TXLNB: variants seen among roughly 807,000 people sequenced by gnomAD.
The protein encoded by TXLNB is beta-taxilin.
Under a neutral mutation model 57.4 loss-of-function variants are expected in TXLNB, and 37 were observed. The observed-to-expected ratio is 0.64, with a 90% CI of 0.50 to 0.85. The LOEUF (loss-of-function observed/expected upper bound fraction) is 0.85. Ranked by LOEUF, TXLNB falls within the 40% of genes least tolerant of loss-of-function variation. The probability of loss-of-function intolerance (pLI) is 0.00; values close to 1 mark genes in which losing one functional copy is unlikely to be tolerated. For missense variants in TXLNB, 848 were observed against 825.6 expected, an observed-to-expected ratio of 1.03 and a Z score of -0.33; for synonymous variants, 302 against 309.6, an observed-to-expected ratio of 0.98 and a Z score of 0.26.
At chr6:139,224,023 A>C in the TXLNB span, among the ~76,000 whole-genome samples, 1 of 147,784 alleles carries the variant, frequency 6.8e-6, no homozygotes, top group African/African-American at 2.5e-5. Flanking sequence ...ACTATTCACA[A>C]TAGCAAAGAC....
the TXLNB span, among the ~76,000 whole-genome samples, chr6:139,219,576 T>G: frequency 1.5e-4 from 23 of 152,232 alleles, no homozygotes; most frequent in Non-Finnish European, 2.2e-4. Flanking sequence ...CTTTGGAATG[T>G]GACCATGAGA....
chr6:139,168,580 T>TTC, the TXLNB span, among the ~76,000 whole-genome samples: 1 of 152,096 alleles, frequency 6.6e-6, no homozygotes, highest in African/African-American at 2.4e-5. Context: ...ACCCTCCTGC[T>TTC]TCTACCTGTC....
chr6:139,323,573 G>A, the TXLNB span, among the ~76,000 whole-genome samples: 2 of 152,098 alleles, frequency 1.3e-5, no homozygotes, highest in Non-Finnish European at 2.9e-5. Context: ...GTGAGCCACC[G>A]CGCCCAGGCT....
the TXLNB span, among the ~76,000 whole-genome samples, chr6:139,162,090 G>C: frequency 3.9e-5 from 6 of 152,118 alleles, no homozygotes; most frequent in South Asian, 2.1e-4. Context: ...TACAAAGCCT[G>C]GGCCCAGTGG....
the TXLNB span, among the ~76,000 whole-genome samples, chr6:139,299,426 T>G: frequency 6.6e-6 from 1 of 152,206 alleles, no homozygotes; most frequent in East Asian, 1.9e-4. Flanking sequence ...AAGGCAATAA[T>G]GCAGATTAAC....
intron 6 of TXLNB, among the ~76,000 whole-genome samples, chr6:139,259,136 GT>G (rs1361111924): frequency 6.6e-6 from 1 of 152,002 alleles, no homozygotes; most frequent in African/African-American, 2.4e-5. Context: ...CCTAAACCAA[GT>G]CATCATCATA....
At chr6:139,286,949 A>G (rs1276177831) in intron 2 of TXLNB, 1 of 153,284 alleles carries the variant, frequency 6.5e-6, no homozygotes, top group Non-Finnish European at 1.5e-5. Flanking sequence ...TAATAATAAT[A>G]GAAATAAGGT....
At chr6:139,255,353 C>A in intron 7 of TXLNB, 3 of 599,246 alleles carry the variant, frequency 5.0e-6, no homozygotes, top group South Asian at 4.6e-5. Flanking sequence ...TGGATGTTGC[C>A]GGCGCAGAAC....
At chr6:139,178,921 CA>C in the TXLNB span, 1 of 152,144 alleles carries the variant, frequency 6.6e-6, no homozygotes, top group African/African-American at 2.4e-5. Flanking sequence ...TGAAACAATA[CA>C]GCATTAAAGA....
At position 139,256,221 on chromosome 6, in the gene TXLNB, T is replaced by G. The variant is rs72990505; in HGVS notation, c.1003-583A>C. 7.5e-3 allele frequency among the ~76,000 whole-genome samples: 1,149 copies of G among 152,350 alleles called. 7 individuals carry two copies. The highest frequency in any genetic ancestry group is 0.012 in the Non-Finnish European group (844 of 68,034). On this transcript the variant is annotated intron_variant, in intron 6 of 9. Transcript: ENST00000358430. ...ACAAAAAATTCAACTTCCCACCACA[T>G]TCTGGAACCTTCTCTAGTAATCTTG... is the stretch of plus-strand genomic sequence containing the variant.
the TXLNB span, among the ~76,000 whole-genome samples, chr6:139,302,844 T>C: frequency 6.6e-6 from 1 of 152,072 alleles, no homozygotes; most frequent in Non-Finnish European, 1.5e-5. Context: ...TACATTTATA[T>C]TGTGTAATAA....
the TXLNB span, chr6:139,166,807 C>T: frequency 1.1e-5 from 18 of 1,613,596 alleles, no homozygotes; most frequent in Non-Finnish European, 1.4e-5. Context: ...CCCGTTCCCC[C>T]GGTGGCTCCC....
chr6:139,314,503 A>G, the TXLNB span, among the ~76,000 whole-genome samples: 43 of 152,332 alleles, frequency 2.8e-4, no homozygotes, highest in Admixed American at 2.7e-3. Context: ...TGTCTACCTT[A>G]CATGCACTGA....
At chr6:139,260,285 C>T in intron 6 of TXLNB, 33 bp downstream of exon 6, 1 of 1,611,154 alleles carries the variant, frequency 6.2e-7, no homozygotes, top group Non-Finnish European at 8.5e-7. Flanking sequence ...CTGAGGTAGA[C>T]CAGATATGCA....
the TXLNB span, among the ~76,000 whole-genome samples, chr6:139,189,797 A>C: frequency 6.6e-6 from 1 of 152,204 alleles, no homozygotes; most frequent in Non-Finnish European, 1.5e-5. Context: ...CTTGTCGGGT[A>C]TGAAGTCACT....
chr6:139,188,946 G>T, the TXLNB span, among the ~76,000 whole-genome samples: 1 of 152,156 alleles, frequency 6.6e-6, no homozygotes, highest in Non-Finnish European at 1.5e-5. Flanking sequence ...AGTAGAGACG[G>T]GGTTTCACAA....
intron 1 of TXLNB, among the ~76,000 whole-genome samples, chr6:139,291,371 G>C (rs1289773149): frequency 6.6e-6 from 1 of 152,180 alleles, no homozygotes; most frequent in Non-Finnish European, 1.5e-5. Flanking sequence ...ATTAATTTAA[G>C]ATAAGCTGTC....
the TXLNB span, among the ~76,000 whole-genome samples, chr6:139,208,626 G>T: frequency 1.3e-5 from 2 of 152,150 alleles, no homozygotes; most frequent in Non-Finnish European, 2.9e-5. Context: ...GGTTTACAGG[G>T]ATGGTTTAAC....
chr6:139,193,607 C>G, the TXLNB span, among the ~76,000 whole-genome samples: 1 of 151,222 alleles, frequency 6.6e-6, no homozygotes, highest in Admixed American at 6.6e-5. Flanking sequence ...AACAAGAGGG[C>G]AGGTGGAAGT....
Sources: gnomAD v4.1 joint callset for allele counts (sites outside exome capture counted in the v4.1 genomes callset) on GRCh38, gnomAD v4.1.1 for gene constraint, MANE v1.5 for transcripts, NCBI Gene and HGNC (gene_info 2026-07-23, HGNC 2026-07-21) for gene names.